KLK7: variants seen among roughly 807,000 people sequenced by gnomAD.
KLK7 encodes the protein kallikrein related peptidase 7.
KLK7 carries 17 observed loss-of-function variants against 21.0 expected under a neutral mutation model. The ratio of observed to expected loss-of-function variants is 0.81; its 90% CI spans 0.55 to 1.21. The LOEUF is 1.21. Among genes scored for constraint, KLK7 ranks in the 50% most tolerant of loss-of-function variants. The pLI is 0.00. For synonymous variants in KLK7, 151 were observed against 134.6 expected, an observed-to-expected ratio of 1.12 and a Z score of -0.85; for missense variants, 330 against 322.8, an observed-to-expected ratio of 1.02 and a Z score of -0.17.
chr19:50,981,861 A>G lies in KLK7; in HGVS notation c.127T>C (p.Trp43Arg), dbSNP rs780992617. 95 of 1,611,988 alleles carry G rather than the reference A, an allele frequency of 5.9e-5. No homozygotes were observed. Among genetic ancestry groups the G allele is most frequent in the Non-Finnish European group, 7.9e-5 (93 of 1,179,454 alleles). ...GAPCARGSHPWQVALLSGNQL... is the reference protein window; with the variant it reads ...GAPCARGSHPRQVALLSGNQL... Reference sequence around the variant, plus strand: ...TTGCCACTGAGCAGGGCCACCTGCCATGGGTGGGAGCCTCTTGCACATGGG... The same window carrying G: ...TTGCCACTGAGCAGGGCCACCTGCCGTGGGTGGGAGCCTCTTGCACATGGG... Residue 43 changes from tryptophan to arginine, a missense_variant, in exon 3 of 6, where the codon TGG becomes CGG. Physicochemically the swap from Trp to Arg is moderately radical, Grantham distance 101. Coordinates refer to ENST00000595820, the MANE Select transcript of KLK7 (RefSeq NM_005046.4).
intron 3 of KLK7, among the ~76,000 whole-genome samples, chr19:50,980,697 C>CGGAG (rs2091072921): frequency 1.2e-5 from 1 of 84,198 alleles, no homozygotes; most frequent in Non-Finnish European, 2.2e-5. Context: ...GACAGAGACC[C>CGGAG]AGAGAGGGGG....
At chr19:50,979,085 T>A (rs2091057311) in intron 5 of KLK7, among the ~76,000 whole-genome samples, 1 of 151,920 alleles carries the variant, frequency 6.6e-6, no homozygotes, top group South Asian at 2.1e-4. Flanking sequence ...GTGGGAAGAC[T>A]GTTCAGAAAC....
At chr19:50,982,132 C>G in intron 2 of KLK7, 195 bp downstream of exon 2, 1 of 851,988 alleles carries the variant, frequency 1.2e-6, no homozygotes, top group Non-Finnish European at 1.8e-6. Context: ...AGACCCTGAG[C>G]ACAGGAGGCA....
chr19:50,979,312 A>G (rs918494913), intron 5 of KLK7, among the ~76,000 whole-genome samples: 2 of 152,222 alleles, frequency 1.3e-5, no homozygotes, highest in African/African-American at 4.8e-5. Flanking sequence ...ATTTTAAATG[A>G]AGACAGTGCC....
In KLK7 at chr19:50,982,374, A is replaced by T. The variant is rs769843452; in HGVS notation, c.26T>A (p.Leu9Gln). 8.1e-6 allele frequency: 13 copies of T among 1,609,262 alleles called. No individual in the cohort carries two copies. The Admixed American group carries it at 2.0e-4, about 25-fold the overall frequency. MARSLLLPLQILLLSLALE... is the reference protein window; with the variant it reads MARSLLLPQQILLLSLALE... ...GGCTAAGGATAGCAGTAAGATCTGC[A>T]GGGGCAGGAGAAGGGATCTTGCCAT... The change falls in exon 2 of 6, where the codon CTG becomes CAG. Residue 9 changes from leucine to glutamine, a missense_variant. Coordinates refer to ENST00000595820, the MANE Select transcript of KLK7 (RefSeq NM_005046.4).
rs201887544 is a variant in KLK7, at chr19:50,979,773, G to T, written c.606+15C>A. On this transcript the variant is annotated intron_variant, in intron 5 of 5. Transcript: ENST00000595820. ...GTACCCAGGACTGGGGAGGAATTGG[G>T]GGGGAGGGTCTCACATTGCAGGCGT... 2.0e-5 allele frequency: 31 copies of T among 1,562,918 alleles called. No individual in the cohort carries two copies. Among genetic ancestry groups the T allele is most frequent in the African/African-American group, 2.7e-5 (2 of 73,766 alleles).
At chr19:50,977,760 T>G (rs2091048503) in intron 5 of KLK7, 69 bp from the exon 6 acceptor site, 2 of 1,495,772 alleles carry the variant, frequency 1.3e-6, no homozygotes, top group Non-Finnish European at 1.8e-6. Flanking sequence ...CATACATTCC[T>G]CAGTTATCGG....
rs1376011272 is a variant in KLK7, at chr19:50,979,786, A to G, written c.606+2T>C. 6.4e-7 allele frequency: 1 copy of G among 1,567,630 alleles called. No homozygotes were observed. Among genetic ancestry groups the G allele is most frequent in the Admixed American group, 1.9e-5 (1 of 53,148 alleles). The stretch of plus-strand genomic sequence containing the variant: ...GGGAGGAATTGGGGGGGAGGGTCTC[A>G]CATTGCAGGCGTTTTTCTTGGAGTC... On this transcript the variant is annotated splice_donor_variant, in intron 5 of 5. Transcript: ENST00000595820. LOFTEE classifies it high-confidence loss of function.
rs544020708 is a variant in KLK7, at chr19:50,977,707, C to G, written c.607-16G>C. ...CTGAGTCACCCTAGAGGGAATAGAG[C>G]CGGAGATTAACTTTGGCTTCAGATC... On this transcript the variant is annotated splice_polypyrimidine_tract_variant and intron_variant, in intron 5 of 5. Transcript: ENST00000595820. 9 of 1,607,622 alleles carry G rather than the reference C, an allele frequency of 5.6e-6. No individual in the cohort carries two copies. The highest frequency in any genetic ancestry group is 4.0e-5 in the African/African-American group (3 of 74,918).
At chr19:50,978,599 AAG>A (rs1397768859) in intron 5 of KLK7, among the ~76,000 whole-genome samples, 2 of 117,210 alleles carry the variant, frequency 1.7e-5, no homozygotes, top group Admixed American at 9.4e-5. Context: ...AAAGAGGGAG[AAG>A]AGAGAGACAA....
chr19:50,980,813 GACAGAGACCCAGAGAGAGGGGA>G (rs2091074748), intron 3 of KLK7, among the ~76,000 whole-genome samples: 1 of 143,852 alleles, frequency 7.0e-6, no homozygotes, highest in Non-Finnish European at 1.5e-5. Flanking sequence ...GAGGAGAGGG[GACAGAGACCCAGAGAGAGGGGA>G]ACAGAGACCC....
At chr19:50,978,773 T>G (rs1173946014) in intron 5 of KLK7, among the ~76,000 whole-genome samples, 11 of 97,362 alleles carry the variant, frequency 1.1e-4, no homozygotes, top group African/African-American at 1.7e-4. Context: ...AGAGAGACAG[T>G]AAAAAGGAGG....
chr19:50,982,348 A>C lies in KLK7; in HGVS notation c.52T>G (p.Leu18Val), dbSNP rs1450204536. The C allele has an allele frequency of 6.2e-7, 1 of 1,611,120 alleles. No individual in the cohort carries two copies. Among genetic ancestry groups the C allele is most frequent in the Non-Finnish European group, 8.5e-7 (1 of 1,178,842 alleles). ...TCACCTTCTTCTCCTGCAGTTTCCA[A>C]GGCTAAGGATAGCAGTAAGATCTGC... ...PLQILLLSLALETAGEEAQGD... is the reference protein window; with the variant it reads ...PLQILLLSLAVETAGEEAQGD... The change falls in exon 2 of 6, where the codon TTG (leucine) becomes GTG (valine). Residue 18 changes from leucine (L) to valine (V), a missense_variant. By Grantham distance (32) the Leu-to-Val change is conservative. Transcript: ENST00000595820.
chr19:50,978,466 G>A (rs1202585568), intron 5 of KLK7, among the ~76,000 whole-genome samples: 1 of 147,354 alleles, frequency 6.8e-6, no homozygotes, highest in Admixed American at 6.8e-5. Flanking sequence ...AAAGGGTATG[G>A]GGAGAGAGAG....
At chr19:50,981,306 A>ACAG (rs1568549263) in intron 3 of KLK7, among the ~76,000 whole-genome samples, 9 of 131,904 alleles carry the variant, frequency 6.8e-5, no homozygotes, top group Non-Finnish European at 1.4e-4. Flanking sequence ...CGGAGAGAGA[A>ACAG]GGGGACAGAG....
At position 50,980,460 on chromosome 19, in the gene KLK7, A is replaced by C. The variant is rs749177358; in HGVS notation, c.249T>G (p.Asp83Glu). The change falls in exon 4 of 6, where the codon GAT becomes GAG. Residue 83 changes from aspartate to glutamate, a missense_variant. Coordinates refer to ENST00000595820, the MANE Select transcript of KLK7 (RefSeq NM_005046.4). ...MNEYTVHLGSDTLGDRRAQRI... is the reference protein window; with the variant it reads ...MNEYTVHLGSETLGDRRAQRI... ...TCTGAGCTCTCCTGTCGCCCAGCGTATCACTGCCCAGGTGCACGGTGTACT... is the reference window on the plus strand; with the variant it reads ...TCTGAGCTCTCCTGTCGCCCAGCGTCTCACTGCCCAGGTGCACGGTGTACT... The C allele has an allele frequency of 6.2e-7, 1 of 1,613,800 alleles. No homozygotes were observed. Among genetic ancestry groups the C allele is most frequent in the East Asian group, 2.2e-5 (1 of 44,880 alleles).
chr19:50,981,773 T>C lies in KLK7; in HGVS notation c.215A>G (p.Lys72Arg), dbSNP rs1474157413. The C allele has an allele frequency of 6.4e-7, 1 of 1,572,466 alleles. No homozygotes were observed. Among genetic ancestry groups the C allele is most frequent in the Admixed American group, 1.9e-5 (1 of 51,424 alleles). ...AGACTTGGGCGGCACCTACTTCATCTTGCAGTGGGCGGCAGTGAGCACCCA... is the reference window on the plus strand; with the variant it reads ...AGACTTGGGCGGCACCTACTTCATCCTGCAGTGGGCGGCAGTGAGCACCCA... Reference protein sequence around the residue: ...ERWVLTAAHCKMNEYTVHLGS... With the variant: ...ERWVLTAAHCRMNEYTVHLGS... Residue 72 changes from lysine to arginine, a missense_variant, in exon 3 of 6, where the codon AAG (lysine) becomes AGG (arginine). Physicochemically the swap from Lys to Arg is conservative, Grantham distance 26. Transcript: ENST00000595820.
chr19:50,979,961 G>A (rs1181425190), intron 4 of KLK7, 37 bp from the exon 5 acceptor site: 6 of 1,574,678 alleles, frequency 3.8e-6, no homozygotes, highest in South Asian at 1.2e-5. Context: ...CAGTCAGAGA[G>A]GATGGGGGCG....
At chr19:50,979,983 G>A in intron 4 of KLK7, 59 bp from the exon 5 acceptor site, 1 of 1,547,530 alleles carries the variant, frequency 6.5e-7, no homozygotes, top group Non-Finnish European at 8.7e-7. Context: ...GGACCAGAAG[G>A]GCTGTTGTTC....
Sources: gnomAD v4.1 joint callset for allele counts (sites outside exome capture counted in the v4.1 genomes callset) on GRCh38, gnomAD v4.1.1 for gene constraint, MANE v1.5 for transcripts, NCBI Gene and HGNC (gene_info 2026-07-23, HGNC 2026-07-21) for gene names.